The following PALLD variants were observed in gnomAD, a reference collection of about 807,000 sequenced individuals.
The protein encoded by PALLD is palladin, cytoskeletal associated protein, also known as palladin.
In PALLD, 61 loss-of-function variants were observed where a neutral mutation model predicts 123.5. The observed-to-expected ratio is 0.49, with a 90% CI of 0.40 to 0.61. PALLD has a LOEUF of 0.61. PALLD is among the 20% of genes least tolerant of loss of function. The probability of loss-of-function intolerance (pLI) is 0.00; values close to 1 mark genes in which losing one functional copy is unlikely to be tolerated. For missense variants in PALLD, 1,273 were observed against 1,377.0 expected, an observed-to-expected ratio of 0.92 and a Z score of 1.20; for synonymous variants, 465 against 496.4, an observed-to-expected ratio of 0.94 and a Z score of 0.84.
intron 2 of PALLD, among the ~76,000 whole-genome samples, chr4:168,652,967 T>C (rs1778199830): frequency 6.6e-6 from 1 of 152,208 alleles, no homozygotes; most frequent in African/African-American, 2.4e-5. Context: ...TGTCCCACTT[T>C]CAGCCGTCAG....
intron 2 of PALLD, among the ~76,000 whole-genome samples, chr4:168,664,609 G>A (rs1433650607): frequency 6.6e-6 from 1 of 152,120 alleles, no homozygotes; most frequent in Non-Finnish European, 1.5e-5. Flanking sequence ...AATTTGCCCA[G>A]TAAGGTATAA....
intron 6 of PALLD, among the ~76,000 whole-genome samples, 178 bp from the exon 7 acceptor site, chr4:168,690,425 G>A (rs1782509590): frequency 6.6e-6 from 1 of 152,174 alleles, no homozygotes; most frequent in Non-Finnish European, 1.5e-5. Context: ...GATAATCGGT[G>A]GGTCCAAAGG....
chr4:168,554,790 A>G lies in PALLD; in HGVS notation c.908+42378A>G, dbSNP rs575665381. Reference sequence around the variant, plus strand: ...GAATTTAATTCTAGAGCCCTCCAAAATAAATAATCAGCTTTCAGGTTATCT... The same window carrying G: ...GAATTTAATTCTAGAGCCCTCCAAAGTAAATAATCAGCTTTCAGGTTATCT... On this transcript the variant is annotated intron_variant, in intron 2 of 21. Coordinates refer to ENST00000505667, the MANE Select transcript of PALLD (RefSeq NM_001166108.2). 4.6e-5 allele frequency among the ~76,000 whole-genome samples: 7 copies of G among 151,802 alleles called. No individual in the cohort carries two copies. In the South Asian group the frequency reaches 1.4e-3, roughly 31 times the overall value.
At chr4:168,874,012 A>C (rs1751420350) in intron 10 of PALLD, among the ~76,000 whole-genome samples, 1 of 152,224 alleles carries the variant, frequency 6.6e-6, no homozygotes, top group Non-Finnish European at 1.5e-5. Context: ...GGTGAAGAGA[A>C]ACATCCCCTG....
chr4:168,512,449 G>C, intron 2 of PALLD, 37 bp downstream of exon 2: 11 of 1,556,034 alleles, frequency 7.1e-6, no homozygotes, highest in Non-Finnish European at 8.8e-6. Flanking sequence ...AAATGATCTT[G>C]TTGACTTTGG....
intron 10 of PALLD, among the ~76,000 whole-genome samples, chr4:168,825,611 C>T (rs1743308514): frequency 6.6e-6 from 1 of 152,174 alleles, no homozygotes; most frequent in South Asian, 2.1e-4. Context: ...CCAATTCCCT[C>T]CTTCTTGTGA....
intron 10 of PALLD, among the ~76,000 whole-genome samples, chr4:168,804,942 C>T (rs149968700): frequency 0.081 from 12,302 of 151,590 alleles, 529 homozygotes; most frequent in South Asian, 0.14. Context: ...GGGCAGATCA[C>T]GAGGTCAGGA....
chr4:168,903,851 C>T lies in PALLD; in HGVS notation c.2567C>T (p.Thr856Ile). Residue 856 changes from threonine (T) to isoleucine (I), a missense_variant, in exon 15 of 22, where the codon ACA becomes ATA. Transcript: ENST00000505667. ...DLDGTCSLHTTASTLDDDGNY... is the reference protein window; with the variant it reads ...DLDGTCSLHTIASTLDDDGNY... ...GATGGGACCTGCTCCCTCCATACCACAGCCTCCACCCTAGATGATGATGGG... is the reference window on the plus strand; with the variant it reads ...GATGGGACCTGCTCCCTCCATACCATAGCCTCCACCCTAGATGATGATGGG... The T allele has an allele frequency of 6.2e-7, 1 of 1,613,756 alleles. No homozygotes were observed. Among genetic ancestry groups the T allele is most frequent in the Non-Finnish European group, 8.5e-7 (1 of 1,179,652 alleles).
At chr4:168,816,384 T>C (rs865956675) in intron 10 of PALLD, among the ~76,000 whole-genome samples, 41 of 104,128 alleles carry the variant, frequency 3.9e-4, no homozygotes, top group African/African-American at 1.4e-3. Flanking sequence ...TATATGTGTA[T>C]GTGTGTATAT....
intron 2 of PALLD, among the ~76,000 whole-genome samples, chr4:168,645,084 T>C (rs1258478511): frequency 7.0e-6 from 1 of 143,310 alleles, no homozygotes; most frequent in Non-Finnish European, 1.5e-5. Flanking sequence ...GGTGACAGTG[T>C]GCGACACAGT....
At chr4:168,638,677 T>A (rs1182217960) in intron 2 of PALLD, among the ~76,000 whole-genome samples, 1 of 152,162 alleles carries the variant, frequency 6.6e-6, no homozygotes, top group African/African-American at 2.4e-5. Context: ...GATGGTGCCT[T>A]CTTGCTGTGA....
chr4:168,723,616 G>T (rs1019009993), intron 10 of PALLD, among the ~76,000 whole-genome samples: 1 of 152,198 alleles, frequency 6.6e-6, no homozygotes, highest in African/African-American at 2.4e-5. Context: ...CTGGATGCTA[G>T]AGCAGATACA....
At chr4:168,675,579 A>G (rs1780753248) in intron 3 of PALLD, among the ~76,000 whole-genome samples, 1 of 152,172 alleles carries the variant, frequency 6.6e-6, no homozygotes, top group African/African-American at 2.4e-5. Context: ...ATAACCTTTC[A>G]TGGTATTTTA....
In PALLD at chr4:168,927,712, A is replaced by AAGAC. The variant is rs751207103; in HGVS notation, c.*1533_*1536dup. On this transcript the variant is annotated 3_prime_UTR_variant, in exon 22 of 22. Transcript: ENST00000505667. ...CAAGGTTTGTAAAGGCATCTCGGTA[A>AAGAC]AGACTGCTTTTTGAATGCATATGAT... 4.5e-6 allele frequency: 1 copy of AAGAC among 224,266 alleles called. No individual in the cohort carries two copies. The highest frequency in any genetic ancestry group is 8.9e-6 in the Non-Finnish European group (1 of 112,128). The allele number at this position is 224,266 out of a possible 1,614,324, so 13.9% of individuals were successfully genotyped here.
chr4:168,746,058 C>G (rs1730248239), intron 10 of PALLD, among the ~76,000 whole-genome samples: 1 of 152,086 alleles, frequency 6.6e-6, no homozygotes, highest in African/African-American at 2.4e-5. Flanking sequence ...TTGAGCTCCA[C>G]CTTATTCTGG....
chr4:168,780,602 G>T (rs904052860), intron 10 of PALLD, among the ~76,000 whole-genome samples: 3 of 152,156 alleles, frequency 2.0e-5, no homozygotes, highest in African/African-American at 7.2e-5. Context: ...GAAAGGGGTG[G>T]CCATGGCAGA....
At position 168,588,747 on chromosome 4, in the gene PALLD, C is replaced by T. The variant is rs151039575; in HGVS notation, c.908+76335C>T. The stretch of plus-strand genomic sequence containing the variant: ...TTTTAAGCATACTCTGGTTATCATT[C>T]TTCTCAGATTACTTCACTAAATTAA... On this transcript the variant is annotated intron_variant, in intron 2 of 21. Coordinates refer to ENST00000505667, the MANE Select transcript of PALLD (RefSeq NM_001166108.2). 2.4e-3 allele frequency among the ~76,000 whole-genome samples: 358 copies of T among 150,416 alleles called. 1 individual carries two copies. Among genetic ancestry groups the T allele is most frequent in the African/African-American group, 8.5e-3 (340 of 39,822 alleles).
At chr4:168,755,615 G>A (rs1034823876) in intron 10 of PALLD, among the ~76,000 whole-genome samples, 1 of 152,144 alleles carries the variant, frequency 6.6e-6, no homozygotes, top group South Asian at 2.1e-4. Flanking sequence ...AAAATTCCAA[G>A]CAAGGAAGTT....
intron 2 of PALLD, among the ~76,000 whole-genome samples, chr4:168,583,268 G>A (rs1770473583): frequency 6.6e-6 from 1 of 152,110 alleles, no homozygotes. Context: ...TGTATGGTAT[G>A]GATGAATAAA....
Sources: gnomAD v4.1 joint callset for allele counts (sites outside exome capture counted in the v4.1 genomes callset) on GRCh38, gnomAD v4.1.1 for gene constraint, MANE v1.5 for transcripts, NCBI Gene and HGNC (gene_info 2026-07-23, HGNC 2026-07-21) for gene names.